The following SSC5D variants were observed in gnomAD, a reference collection of about 807,000 sequenced individuals.
SSC5D encodes the protein scavenger receptor cysteine rich family member with 5 domains, also known as soluble scavenger receptor cysteine-rich domain-containing protein SSC5D.
SSC5D carries 106 observed loss-of-function variants against 104.6 expected under a neutral mutation model. The observed-to-expected ratio is 1.01, with a 90% CI of 0.87 to 1.19. The LOEUF is 1.19. SSC5D is among the 50% of genes most tolerant of loss of function. The pLI, the probability that SSC5D is intolerant of heterozygous loss-of-function variation, is 0.00. For synonymous variants in SSC5D, 860 were observed against 883.5 expected, an observed-to-expected ratio of 0.97 and a Z score of 0.47; for missense variants, 1,993 against 2,153.8, an observed-to-expected ratio of 0.93 and a Z score of 1.48.
chr19:55,504,075 T>C, intron 12 of SSC5D: 3 of 1,521,082 alleles, frequency 2.0e-6, no homozygotes, highest in Non-Finnish European at 2.6e-6. Context: ...TGGGGGTGGG[T>C]GGGCTCCAGC....
intron 6 of SSC5D, chr19:55,492,558 C>G (rs550504951): frequency 6.6e-6 from 1 of 152,068 alleles, no homozygotes; most frequent in East Asian, 1.9e-4. Flanking sequence ...GGGAGGGAGA[C>G]GCTCCCCTCC....
chr19:55,506,868 G>A (rs137934876), intron 12 of SSC5D, among the ~76,000 whole-genome samples: 1,615 of 151,970 alleles, frequency 0.011, 31 homozygotes, highest in African/African-American at 0.036. Flanking sequence ...ACTGAGGGTT[G>A]CAGTTTAAAA....
chr19:55,513,041 C>G lies in SSC5D; in HGVS notation c.2816C>G (p.Thr939Arg). ...GSKDGYKLPW[T>R]WDTPSGRGLA... ...AAAGATGGTTACAAGCTTCCCTGGA[C>G]GTGGGACACACCATCAGGAAGGGGC... is the stretch of plus-strand genomic sequence containing the variant. Residue 939 changes from threonine to arginine, a missense_variant, in exon 13 of 14, where the codon ACG becomes AGG. Physicochemically the swap from Thr to Arg is moderately conservative, Grantham distance 71. Coordinates refer to ENST00000389623, the MANE Select transcript of SSC5D (RefSeq NM_001144950.2). 1 of 1,552,038 alleles carries G rather than the reference C, an allele frequency of 6.4e-7. No homozygotes were observed. Among genetic ancestry groups the G allele is most frequent in the Non-Finnish European group, 8.7e-7 (1 of 1,147,062 alleles).
chr19:55,496,645 GGGAGA>G (rs1987333460), intron 8 of SSC5D, among the ~76,000 whole-genome samples: 1 of 152,136 alleles, frequency 6.6e-6, no homozygotes, highest in Non-Finnish European at 1.5e-5. Flanking sequence ...GCTGAGAAAT[GGGAGA>G]GCCAGGATTC....
In SSC5D at chr19:55,489,395, C is replaced by T. The variant is rs535910734; in HGVS notation, c.94C>T (p.Arg32Cys). 2.7e-5 allele frequency: 40 copies of T among 1,484,344 alleles called. 1 individual carries two copies. The Admixed American group carries it at 7.0e-4, about 26-fold the overall frequency. The allele number at this position is 1,484,344 out of a possible 1,614,324, so 91.9% of individuals were successfully genotyped here. Residue 32 changes from arginine (R) to cysteine (C), a missense_variant, in exon 3 of 14, where the codon CGC becomes TGC. By Grantham distance (180) the Arg-to-Cys change is radical (BLOSUM62 -3). Coordinates refer to ENST00000389623, the MANE Select transcript of SSC5D (RefSeq NM_001144950.2). ...CGATGGCCCCCATGGGTGCGCTGGC[C>T]GCCTGGAGGTCTGGCATGGCGGGCG... ...LADGPHGCAGRLEVWHGGRWG... is the reference protein window; with the variant it reads ...LADGPHGCAGCLEVWHGGRWG...
At chr19:55,504,058 C>G in intron 12 of SSC5D, 3 of 1,500,406 alleles carry the variant, frequency 2.0e-6, no homozygotes, top group Non-Finnish European at 2.7e-6. Flanking sequence ...CTAGAGGCGC[C>G]GTGACTTGGG....
Position 55,490,870 on chromosome 19 carries a change from C to T in SSC5D, c.685C>T (p.Leu229=). The part of the protein sequence containing the change: ...WGTVCDDGWD[L]RDAAVACREL... ...CACCGTATGTGACGATGGCTGGGAC[C>T]TGCGCGACGCTGCTGTAGCCTGCCG... Residue 229 remains leucine (L), a synonymous_variant, in exon 6 of 14, where the codon CTG becomes TTG. Transcript: ENST00000389623. The T allele has an allele frequency of 1.3e-6, 2 of 1,546,538 alleles. No individual in the cohort carries two copies. The highest frequency in any genetic ancestry group is 1.2e-5 in the South Asian group (1 of 83,618).
intron 12 of SSC5D, chr19:55,504,467 T>C (rs957080786): frequency 2.0e-6 from 1 of 501,720 alleles, no homozygotes; most frequent in Non-Finnish European, 3.1e-6. Context: ...TGACTTGGTC[T>C]CTTTGAGTCC....
Position 55,517,461 on chromosome 19 carries a change from T to A in SSC5D, c.3185T>A (p.Leu1062His). 6.4e-7 allele frequency: 1 copy of A among 1,550,670 alleles called. No homozygotes were observed. Among genetic ancestry groups the A allele is most frequent in the East Asian group, 2.4e-5 (1 of 40,846 alleles). ...PDPASRTNPD[L>H]ILTSPDFALS... ...CCGGCCTCCCGGACGAACCCCGACC[T>A]CATCTTGACAAGCCCTGACTTTGCT... Residue 1062 changes from leucine to histidine, a missense_variant, in exon 14 of 14, where the codon CTC (leucine) becomes CAC (histidine). This residue lies in a region of SSC5D where 423 missense variants were observed against 409.2 expected (regional missense o/e 1.03). Transcript: ENST00000389623.
Position 55,493,869 on chromosome 19 carries a change from G to C in SSC5D, c.1170G>C (p.Gln390His). ...TCTGCCCAGCTCGGCCCTGGGGCCA[G>C]CATGACTGTCACCACCGCGAGGACG... ...LRFCPARPWGQHDCHHREDAG... is the reference protein window; with the variant it reads ...LRFCPARPWGHHDCHHREDAG... Residue 390 changes from glutamine to histidine, a missense_variant, in exon 7 of 14, where the codon CAG becomes CAC. This residue lies in a region of SSC5D where 1,101 missense variants were observed against 1,085.0 expected (regional missense o/e 1.01). Transcript: ENST00000389623. 1 of 1,548,780 alleles carries C rather than the reference G, an allele frequency of 6.5e-7. No individual in the cohort carries two copies. Among genetic ancestry groups the C allele is most frequent in the Non-Finnish European group, 8.7e-7 (1 of 1,146,662 alleles).
At chr19:55,509,385 T>C (rs1309281488) in intron 12 of SSC5D, among the ~76,000 whole-genome samples, 1 of 152,108 alleles carries the variant, frequency 6.6e-6, no homozygotes, top group African/African-American at 2.4e-5. Flanking sequence ...TTCTCGCCCA[T>C]GAGCCTAAGG....
chr19:55,504,270 C>T (rs1304855467), intron 12 of SSC5D: 1 of 1,503,560 alleles, frequency 6.7e-7, no homozygotes, highest in African/African-American at 1.4e-5. Context: ...CGGGACCCCT[C>T]CCGTAGGGTA....
At chr19:55,516,635 G>A (rs1474188051) in intron 13 of SSC5D, among the ~76,000 whole-genome samples, 1 of 149,396 alleles carries the variant, frequency 6.7e-6, no homozygotes, top group Admixed American at 6.7e-5. Context: ...AATTTTGATT[G>A]TTTAAAAATA....
chr19:55,513,418 CA>C (rs1987803055), intron 13 of SSC5D, among the ~76,000 whole-genome samples: 1 of 152,086 alleles, frequency 6.6e-6, no homozygotes, highest in Non-Finnish European at 1.5e-5. Context: ...GTGAGCCCCC[CA>C]AGATATGAAC....
intron 5 of SSC5D, 116 bp from the exon 6 acceptor site, chr19:55,490,656 C>T (rs529913621): frequency 3.7e-5 from 46 of 1,235,966 alleles, no homozygotes; most frequent in South Asian, 1.9e-4. Context: ...GGGCTGCCGG[C>T]GGACAGATCT....
At chr19:55,507,665 CAAAAAAAAA>C (rs61340967) in intron 12 of SSC5D, among the ~76,000 whole-genome samples, 47 of 75,968 alleles carry the variant, frequency 6.2e-4, no homozygotes, top group African/African-American at 2.0e-3. Flanking sequence ...GACTCCGTCT[CAAAAAAAAA>C]AAAAAAAAAA....
chr19:55,518,275 C>T lies in SSC5D; in HGVS notation c.3999C>T (p.Thr1333=). The change falls in exon 14 of 14, where the codon ACC becomes ACT. Residue 1333 remains threonine (T), a synonymous_variant. Coordinates refer to ENST00000389623, the MANE Select transcript of SSC5D (RefSeq NM_001144950.2). The stretch of plus-strand genomic sequence containing the variant: ...CCACAACTCCTGACCCTTCCTCAAC[C>T]CCTGTCATCACTACTGTGTCCCTTC... The part of the protein sequence containing the change: ...PHPTTPDPSS[T]PVITTVSLPT... 4.6e-6 allele frequency: 7 copies of T among 1,535,420 alleles called. No individual in the cohort carries two copies. Among genetic ancestry groups the T allele is most frequent in the Non-Finnish European group, 6.1e-6 (7 of 1,143,234 alleles).
In SSC5D at chr19:55,490,299, C is replaced by A; in HGVS notation, c.477C>A (p.Ala159=). 1 of 1,005,574 alleles carries A rather than the reference C, an allele frequency of 9.9e-7. No homozygotes were observed. The highest frequency in any genetic ancestry group is 1.5e-6 in the Non-Finnish European group (1 of 657,224). 62.3% of individuals were successfully genotyped at this position (1,005,574 alleles called of 1,614,324 possible). Residue 159 remains alanine (A), a splice_region_variant and synonymous_variant, in exon 5 of 14, where the codon GCC becomes GCA. Transcript: ENST00000389623. ...PSTEEPLVTH[A]PRPAGNPQNA... Reference sequence around the variant, plus strand: ...ACCCCTGGCTGTCTCCACTCCCAGCCCCCCGCCCAGCTGGGAACCCCCAGA... The same window carrying A: ...ACCCCTGGCTGTCTCCACTCCCAGCACCCCGCCCAGCTGGGAACCCCCAGA...
At chr19:55,499,770 C>T in intron 9 of SSC5D, 46 bp from the exon 10 acceptor site, 1 of 1,463,122 alleles carries the variant, frequency 6.8e-7, no homozygotes, top group Non-Finnish European at 9.3e-7. Flanking sequence ...ATGATCTTGT[C>T]ATCATGGTGT....
Sources: gnomAD v4.1 joint callset for allele counts (sites outside exome capture counted in the v4.1 genomes callset) on GRCh38, gnomAD v4.1.1 for gene constraint, gnomAD v4.1.1 regional missense constraint, MANE v1.5 for transcripts, NCBI Gene and HGNC (gene_info 2026-07-23, HGNC 2026-07-21) for gene names.